CENPL: variants seen among roughly 807,000 people sequenced by gnomAD.
The protein encoded by CENPL is interphase centromere complex protein 33.
CENPL carries 20 observed loss-of-function variants against 35.2 expected under a neutral mutation model. The ratio of observed to expected loss-of-function variants is 0.57; its 90% CI spans 0.40 to 0.83. The LOEUF is 0.83. CENPL is among the 40% of genes least tolerant of loss of function. The probability of loss-of-function intolerance (pLI) is 0.00; values close to 1 mark genes in which losing one functional copy is unlikely to be tolerated. For synonymous variants in CENPL, 140 were observed against 140.6 expected (o/e 1.00, Z 0.03); for missense variants, 363 against 395.8 (o/e 0.92, Z 0.70).
rs1649945397 is a variant in CENPL, at chr1:173,803,501, A to G, written c.425T>C (p.Val142Ala). Residue 142 changes from valine (V) to alanine (A), a missense_variant, in exon 5 of 6, where the codon GTG becomes GCG. Val to Ala is a moderately conservative substitution (Grantham distance 64). Coordinates refer to ENST00000682279, the MANE Select transcript of CENPL (RefSeq NM_001387287.1). ...CTCAGATGGCAATTGAGATTTTGAC[A>G]CAATCTACAAAGAAAGTAAACAGGC... ...RDPEAFLVQI[V>A]SKSQLPSENR... The G allele has an allele frequency of 1.3e-6, 2 of 1,560,424 alleles. No homozygotes were observed. The highest frequency in any genetic ancestry group is 1.4e-5 in the African/African-American group (1 of 72,930).
Position 173,800,494 on chromosome 1 carries a change from C to A in CENPL, c.989G>T (p.Gly330Val). The change falls in exon 6 of 6, where the codon GGA becomes GTA. Residue 330 changes from glycine to valine, a missense_variant. By Grantham distance (109) the Gly-to-Val change is moderately radical (BLOSUM62 -3). Coordinates refer to ENST00000682279, the MANE Select transcript of CENPL (RefSeq NM_001387287.1). ...CAGTTCTGTCAAATATGCTAACACTCCAATAAGGTATTTATGACACAGAAT... is the reference window on the plus strand; with the variant it reads ...CAGTTCTGTCAAATATGCTAACACTACAATAAGGTATTTATGACACAGAAT... ...IKILCHKYLIGVLAYLTELAI... is the reference protein window; with the variant it reads ...IKILCHKYLIVVLAYLTELAI... The A allele has an allele frequency of 6.7e-7, 1 of 1,484,948 alleles. No individual in the cohort carries two copies. Among genetic ancestry groups the A allele is most frequent in the African/African-American group, 1.4e-5 (1 of 72,196 alleles). 92.0% of individuals were successfully genotyped at this position (1,484,948 alleles called of 1,614,324 possible).
At chr1:173,819,683 C>CTTATT (rs547277291) in intron 2 of CENPL, among the ~76,000 whole-genome samples, 20 of 152,102 alleles carry the variant, frequency 1.3e-4, no homozygotes, top group African/African-American at 4.1e-4. Context: ...ACTATATTTA[C>CTTATT]TTATTTTATT....
chr1:173,819,503 C>T (rs1242633828), intron 2 of CENPL, among the ~76,000 whole-genome samples: 2 of 151,732 alleles, frequency 1.3e-5, no homozygotes, highest in Admixed American at 1.3e-4. Flanking sequence ...AGAGGAGAAT[C>T]GCTTGAACCC....
Position 173,799,633 on chromosome 1 carries a change from A to C in CENPL, c.*815T>G, listed in dbSNP as rs1649580494. On this transcript the variant is annotated 3_prime_UTR_variant, in exon 6 of 6. Transcript: ENST00000682279. ...ACAGAAGCATATTAATGACTAAAAA[A>C]ATGTGTATATTAATCTTTAGTTCCC... The C allele has an allele frequency of 6.6e-6, 1 of 152,212 alleles. No individual in the cohort carries two copies. The highest frequency in any genetic ancestry group is 1.5e-5 in the Non-Finnish European group (1 of 68,044). 9.4% of individuals were successfully genotyped at this position (152,212 alleles called of 1,614,324 possible). A position where few individuals can be genotyped will look rare whatever the true frequency, so the allele number is the denominator to read the frequency against.
At chr1:173,808,006 A>G (rs910746416) in intron 3 of CENPL, among the ~76,000 whole-genome samples, 5 of 152,208 alleles carry the variant, frequency 3.3e-5, no homozygotes, top group African/African-American at 1.2e-4. Flanking sequence ...ATAAGTGTTC[A>G]ATAAATATTT....
chr1:173,823,249 C>A (rs1163806340), intron 2 of CENPL: 1 of 152,206 alleles, frequency 6.6e-6, no homozygotes, highest in Middle Eastern at 3.2e-3. Context: ...GAATTCCTGT[C>A]TGGCTTTCAA....
intron 2 of CENPL, among the ~76,000 whole-genome samples, chr1:173,819,226 C>A (rs558959156): frequency 6.6e-6 from 1 of 150,958 alleles, no homozygotes; most frequent in African/African-American, 2.4e-5. Context: ...ACAGCAAGAC[C>A]CTCTCAAGAA....
intron 2 of CENPL, among the ~76,000 whole-genome samples, chr1:173,812,206 T>C (rs1243149089): frequency 6.6e-6 from 1 of 152,244 alleles, no homozygotes; most frequent in African/African-American, 2.4e-5. Context: ...CAGCAAGGCC[T>C]ACTGCCTCTA....
intron 3 of CENPL, among the ~76,000 whole-genome samples, chr1:173,808,291 T>C (rs1190731168): frequency 6.6e-6 from 1 of 151,898 alleles, no homozygotes; most frequent in Non-Finnish European, 1.5e-5. Context: ...GCACCTGTAA[T>C]CCCAGCTACT....
intron 2 of CENPL, among the ~76,000 whole-genome samples, chr1:173,819,176 GT>G (rs1651697864): frequency 6.6e-6 from 1 of 152,010 alleles, no homozygotes; most frequent in Admixed American, 6.6e-5. Context: ...CAAGGCTGCA[GT>G]GAGATGTGAT....
rs538340817 is a variant in CENPL, at chr1:173,820,722, A to G, written c.-8+3204T>C. ...CTGTGGTACATCCACACCATGTAAT[A>G]GTACTCAGCAATGAAAAGAAACAAA... On this transcript the variant is annotated intron_variant, in intron 2 of 5. Coordinates refer to ENST00000682279, the MANE Select transcript of CENPL (RefSeq NM_001387287.1). Among the ~76,000 whole-genome samples the G allele has an allele frequency of 2.0e-5, 3 of 152,338 alleles. No individual in the cohort carries two copies. The South Asian group carries it at 6.2e-4, about 32-fold the overall frequency.
At chr1:173,809,106 C>T (rs879702231) in intron 3 of CENPL, among the ~76,000 whole-genome samples, 3 of 151,974 alleles carry the variant, frequency 2.0e-5, no homozygotes, top group Non-Finnish European at 2.9e-5. Flanking sequence ...TTTGGGAGGC[C>T]GAGGCGGGTG....
At chr1:173,812,418 G>C (rs1019297842) in intron 2 of CENPL, among the ~76,000 whole-genome samples, 1 of 152,134 alleles carries the variant, frequency 6.6e-6, no homozygotes, top group African/African-American at 2.4e-5. Flanking sequence ...TCCCAGTAGG[G>C]GCCGACTGAC....
intron 3 of CENPL, chr1:173,808,656 T>G (rs1650467108): frequency 6.6e-6 from 1 of 151,962 alleles, no homozygotes; most frequent in Non-Finnish European, 1.5e-5. Flanking sequence ...GGAATATTTT[T>G]TGCCATGCTC....
At position 173,802,999 on chromosome 1, in the gene CENPL, T is replaced by C. The variant is rs756551544; in HGVS notation, c.927A>G (p.Thr309=). ...CATCAGTATGTGCTGAAGCTACAGA[T>C]GTTGAAACACGAACTAATCTTGTGG... ...LSATRLVRVS[T]SVASAHTDGK... is the part of the protein sequence containing the mutation. The change falls in exon 5 of 6, where the codon ACA becomes ACG. Residue 309 remains threonine, a synonymous_variant. Coordinates refer to ENST00000682279, the MANE Select transcript of CENPL (RefSeq NM_001387287.1). 3 of 1,613,250 alleles carry C rather than the reference T, an allele frequency of 1.9e-6. No individual in the cohort carries two copies. Among genetic ancestry groups the C allele is most frequent in the Middle Eastern group, 1.7e-4 (1 of 6,054 alleles).
intron 2 of CENPL, among the ~76,000 whole-genome samples, chr1:173,818,248 T>A (rs1651612281): frequency 6.6e-6 from 1 of 152,170 alleles, no homozygotes; most frequent in Non-Finnish European, 1.5e-5. Flanking sequence ...GAGTTCTCCG[T>A]ATCCAGAGTA....
At chr1:173,811,712 T>C (rs925037484) in intron 2 of CENPL, among the ~76,000 whole-genome samples, 13 of 152,228 alleles carry the variant, frequency 8.5e-5, no homozygotes, top group African/African-American at 3.1e-4. Context: ...GATGGCTGAA[T>C]AGGAACAGCT....
At chr1:173,809,990 C>A (rs1387914836) in intron 3 of CENPL, among the ~76,000 whole-genome samples, 1 of 152,162 alleles carries the variant, frequency 6.6e-6, no homozygotes. Context: ...TATTATTTGA[C>A]ACACCAATCT....
intron 4 of CENPL, among the ~76,000 whole-genome samples, chr1:173,805,501 A>C (rs61827871): frequency 0.017 from 2,569 of 149,152 alleles, 24 homozygotes; most frequent in Non-Finnish European, 0.029. Context: ...GTGACAGAGA[A>C]GCTGTCTCAA....
Sources: gnomAD v4.1 joint callset for allele counts (sites outside exome capture counted in the v4.1 genomes callset) on GRCh38, gnomAD v4.1.1 for gene constraint, MANE v1.5 for transcripts, NCBI Gene and HGNC (gene_info 2026-07-23, HGNC 2026-07-21) for gene names.